Variants in ZFP64 observed in about 807,000 individuals in gnomAD.
ZFP64 encodes the protein zinc finger protein 64.
A neutral mutation model predicts 51.6 loss-of-function variants in ZFP64; 14 were observed. That is an observed-to-expected ratio of 0.27 (90% confidence interval 0.18 to 0.42). The LOEUF (loss-of-function observed/expected upper bound fraction) is 0.42. Ranked by LOEUF, ZFP64 falls within the 10% of genes least tolerant of loss-of-function variation. The probability of loss-of-function intolerance (pLI) is 1.00; values close to 1 mark genes in which losing one functional copy is unlikely to be tolerated. For synonymous variants in ZFP64, 375 were observed against 361.4 expected (o/e 1.04, Z -0.43); for missense variants, 754 against 906.8 (o/e 0.83, Z 2.16).
chr20:52,186,775 C>T (rs1161732814), intron 2 of ZFP64, 57 bp downstream of exon 2: 23 of 1,547,654 alleles, frequency 1.5e-5, no homozygotes, highest in South Asian at 1.1e-4. Context: ...GTTCCATGGA[C>T]GTGTTTGAGA....
chr20:52,191,486 T>G lies in ZFP64; in HGVS notation c.46+105A>C. Reference sequence around the variant, plus strand: ...CGCGGCTCCGAGCCGTCACCCCGATTTCGGGGCCCCGGGCCTGCTGGCTGC... The same window carrying G: ...CGCGGCTCCGAGCCGTCACCCCGATGTCGGGGCCCCGGGCCTGCTGGCTGC... On this transcript the variant is annotated intron_variant, in intron 1 of 5. Coordinates refer to ENST00000216923, the MANE Select transcript of ZFP64 (RefSeq NM_018197.3). This position sits in a 1 kb window ranked among gnomAD's most constrained non-coding sequence, Gnocchi z 4.3. The G allele has an allele frequency of 4.6e-6, 6 of 1,313,292 alleles. No homozygotes were observed. Among genetic ancestry groups the G allele is most frequent in the South Asian group, 1.8e-5 (1 of 55,212 alleles). 81.4% of individuals were successfully genotyped at this position (1,313,292 alleles called of 1,614,324 possible).
intron 2 of ZFP64, among the ~76,000 whole-genome samples, chr20:52,176,505 C>CTCTTTTTTTTTTTTTTT (rs1555810297): frequency 8.8e-5 from 12 of 136,724 alleles, no homozygotes; most frequent in African/African-American, 3.3e-4. Context: ...TTCAATCTCT[C>CTCTTTTTTTTTTTTTTT]TTTTTTTTTT....
intron 4 of ZFP64, among the ~76,000 whole-genome samples, chr20:52,162,081 T>C (rs900591892): frequency 2.7e-5 from 4 of 149,918 alleles, no homozygotes; most frequent in Non-Finnish European, 5.9e-5. Flanking sequence ...GCAGATCACT[T>C]GAGGTCAGGA....
At chr20:52,169,363 G>T (rs1275999140) in intron 2 of ZFP64, among the ~76,000 whole-genome samples, 1 of 152,142 alleles carries the variant, frequency 6.6e-6, no homozygotes, top group Admixed American at 6.5e-5. Context: ...CTAAAACCAG[G>T]GTGCTGGGCT....
intron 5 of ZFP64, among the ~76,000 whole-genome samples, chr20:52,135,650 C>T (rs1293593869): frequency 6.6e-6 from 1 of 152,042 alleles, no homozygotes; most frequent in Admixed American, 6.5e-5. Context: ...TCAAGCCCAG[C>T]TAATTTTTTG....
chr20:52,173,087 T>C (rs977424316), intron 2 of ZFP64, among the ~76,000 whole-genome samples: 1 of 152,170 alleles, frequency 6.6e-6, no homozygotes, highest in Non-Finnish European at 1.5e-5. Context: ...GAACCAACCA[T>C]AGCTCCTTTT....
chr20:52,170,369 T>C (rs1010181330), intron 2 of ZFP64, among the ~76,000 whole-genome samples: 1 of 152,044 alleles, frequency 6.6e-6, no homozygotes, highest in Non-Finnish European at 1.5e-5. Context: ...GGAGAATCGC[T>C]TGGACCCAGG....
chr20:52,095,862 C>T (rs956578917), intron 7 of ZFP64, among the ~76,000 whole-genome samples: 6 of 152,164 alleles, frequency 3.9e-5, no homozygotes, highest in Non-Finnish European at 8.8e-5. Context: ...GTAGCCTAGC[C>T]CCAGTTGAGA....
intron 2 of ZFP64, among the ~76,000 whole-genome samples, chr20:52,173,309 A>G (rs1982903164): frequency 6.6e-6 from 1 of 152,192 alleles, no homozygotes; most frequent in South Asian, 2.1e-4. Context: ...AAACTAGGCT[A>G]AGTGTAGTGG....
rs1407128663 is a variant in ZFP64 at position 52,085,107 on chromosome 20, A to T, written c.1388T>A (p.Ile463Asn). 8.1e-6 allele frequency: 13 copies of T among 1,614,248 alleles called. No homozygotes were observed. Among genetic ancestry groups the T allele is most frequent in the African/African-American group, 1.3e-5 (1 of 75,066 alleles). The stretch of plus-strand genomic sequence containing the variant: ...GTGCAGACATTTGAAGGTGTGCTTG[A>T]TGCGGATGTGCGATTTGAGATTCGC... The change falls in exon 9 of 9, where the codon ATC (isoleucine) becomes AAC (asparagine). Residue 463 changes from isoleucine to asparagine, a missense_variant. By Grantham distance (149) the Ile-to-Asn change is moderately radical (BLOSUM62 -3). Transcript: ENST00000361387. The surrounding 1 kb of genome is among the most constrained non-coding windows in gnomAD (Gnocchi z 4.3).
At chr20:52,179,125 T>C (rs145262378) in intron 2 of ZFP64, among the ~76,000 whole-genome samples, 3 of 152,246 alleles carry the variant, frequency 2.0e-5, no homozygotes, top group Middle Eastern at 3.4e-3. Context: ...TTCCTTGTGA[T>C]AGAGAATGAG....
intron 5 of ZFP64, among the ~76,000 whole-genome samples, chr20:52,102,030 T>G (rs1274529449): frequency 6.8e-6 from 1 of 146,834 alleles, no homozygotes; most frequent in Non-Finnish European, 1.5e-5. Flanking sequence ...GAGAATCGCT[T>G]GAACCTGTGG....
chr20:52,126,763 T>C (rs1194051405), intron 5 of ZFP64, among the ~76,000 whole-genome samples: 1 of 152,148 alleles, frequency 6.6e-6, no homozygotes, highest in Non-Finnish European at 1.5e-5. Flanking sequence ...TCTTATGCCT[T>C]TTATGCACCG....
intron 4 of ZFP64, among the ~76,000 whole-genome samples, chr20:52,163,974 C>T (rs1982034822): frequency 6.6e-6 from 1 of 152,128 alleles, no homozygotes. Context: ...ACAAAAATAA[C>T]ACACACTCAC....
intron 5 of ZFP64, among the ~76,000 whole-genome samples, chr20:52,157,019 A>T (rs886331237): frequency 6.6e-6 from 1 of 152,238 alleles, no homozygotes. Context: ...ATAGTTTCTC[A>T]TCTCCAGCCA....
In ZFP64 at chr20:52,153,360, T is replaced by G. The variant is rs1358827510; in HGVS notation, c.832A>C (p.Met278Leu). 6.2e-6 allele frequency: 10 copies of G among 1,614,078 alleles called. No homozygotes were observed. Among genetic ancestry groups the G allele is most frequent in the African/African-American group, 2.7e-5 (2 of 74,942 alleles). Residue 278 changes from methionine (M) to leucine (L), a missense_variant, in exon 6 of 6, where the codon ATG becomes CTG. Physicochemically the swap from Met to Leu is conservative, Grantham distance 15. Coordinates refer to ENST00000216923, the MANE Select transcript of ZFP64 (RefSeq NM_018197.3). The surrounding 1 kb of genome is among the most constrained non-coding windows in gnomAD (Gnocchi z 5.1). The stretch of plus-strand genomic sequence containing the variant: ...GGCTTCTCCCCCGAGTGCACCCGCA[T>G]GTGCCTTTTCAAGTCCGAGCTGATT... ...FKISSDLKRH[M>L]RVHSGEKPFK...
At chr20:52,137,382 T>C in intron 5 of ZFP64, among the ~76,000 whole-genome samples, 1 of 152,074 alleles carries the variant, frequency 6.6e-6, no homozygotes, top group East Asian at 1.9e-4. Flanking sequence ...TGGATCAGAT[T>C]GGGATCCAAC....
intron 5 of ZFP64, among the ~76,000 whole-genome samples, chr20:52,125,944 C>T (rs1336595941): frequency 6.6e-6 from 1 of 151,740 alleles, no homozygotes; most frequent in Non-Finnish European, 1.5e-5. Flanking sequence ...TGCAGTAGTG[C>T]CATCTTGGCT....
chr20:52,105,161 TCCGCACACTCCCGGCGCGCAGG>T, intron 5 of ZFP64: 2 of 1,450,838 alleles, frequency 1.4e-6, no homozygotes, highest in Non-Finnish European at 1.8e-6. Flanking sequence ...CGGGGCCACC[TCCGCACACTCCCGGCGCGCAGG>T]CCGCGGCTCC....
Sources: gnomAD v4.1 joint callset for allele counts (sites outside exome capture counted in the v4.1 genomes callset) on GRCh38, gnomAD v4.1.1 for gene constraint, Gnocchi (gnomAD v3.1) non-coding constraint, MANE v1.5 for transcripts, NCBI Gene and HGNC (gene_info 2026-07-23, HGNC 2026-07-21) for gene names.